HTRA3: variants seen among roughly 807,000 people sequenced by gnomAD.
The protein encoded by HTRA3 is HtrA serine peptidase 3, also known as serine protease HTRA3.
A neutral mutation model predicts 43.2 loss-of-function variants in HTRA3; 41 were observed. That is an observed-to-expected ratio of 0.95 (90% CI 0.74 to 1.23). The LOEUF (loss-of-function observed/expected upper bound fraction) is 1.23, where lower values mean the gene tolerates loss of function less well. HTRA3 is among the 50% of genes most tolerant of loss of function. The pLI is 0.00. For synonymous variants in HTRA3, 295 were observed against 287.9 expected, an observed-to-expected ratio of 1.02 and a Z score of -0.25; for missense variants, 628 against 647.1, an observed-to-expected ratio of 0.97 and a Z score of 0.32.
intron 1 of HTRA3, among the ~76,000 whole-genome samples, chr4:8,272,968 C>T (rs1054140113): frequency 6.6e-6 from 1 of 152,212 alleles, no homozygotes; most frequent in African/African-American, 2.4e-5. Flanking sequence ...CAGGGCGACA[C>T]GCAGAGTCCA....
At chr4:8,282,903 T>G (rs1338515820) in intron 2 of HTRA3, among the ~76,000 whole-genome samples, 1 of 151,584 alleles carries the variant, frequency 6.6e-6, no homozygotes, top group East Asian at 1.9e-4. Flanking sequence ...AGACAGCAGG[T>G]GTGTGTGCAA....
At chr4:8,280,143 G>T (rs775969576) in intron 1 of HTRA3, among the ~76,000 whole-genome samples, 7 of 152,126 alleles carry the variant, frequency 4.6e-5, no homozygotes, top group Non-Finnish European at 1.0e-4. Flanking sequence ...GCAGAAACTG[G>T]AGTTGGTGGC....
intron 6 of HTRA3, among the ~76,000 whole-genome samples, chr4:8,301,495 A>G (rs1713655554): frequency 6.6e-6 from 1 of 151,216 alleles, no homozygotes; most frequent in African/African-American, 2.4e-5. Context: ...AGCTTTATTG[A>G]TTCACACTCT....
At chr4:8,292,481 C>A in intron 5 of HTRA3, 128 bp downstream of exon 5, 2 of 802,960 alleles carry the variant, frequency 2.5e-6, no homozygotes, top group Non-Finnish European at 4.0e-6. Flanking sequence ...GTCGGGAGTG[C>A]AGCTGGGCCG....
chr4:8,271,670 G>C (rs1712282228), intron 1 of HTRA3, among the ~76,000 whole-genome samples: 1 of 152,140 alleles, frequency 6.6e-6, no homozygotes. Flanking sequence ...GTCTGGTGAG[G>C]GCTGCACTCT....
chr4:8,301,782 G>A (rs1713664377), intron 6 of HTRA3, among the ~76,000 whole-genome samples: 1 of 152,108 alleles, frequency 6.6e-6, no homozygotes, highest in Non-Finnish European at 1.5e-5. Context: ...ATTTGAAGAT[G>A]AGTAATTTAG....
At chr4:8,274,741 G>A (rs112691305) in intron 1 of HTRA3, among the ~76,000 whole-genome samples, 9 of 152,216 alleles carry the variant, frequency 5.9e-5, no homozygotes, top group Non-Finnish European at 7.3e-5. Flanking sequence ...CCCTTTGCGC[G>A]TAACCAGAGC....
At position 8,306,483 on chromosome 4, in the gene HTRA3, C is replaced by A. The variant is rs548243199; in HGVS notation, c.*347C>A. 8 of 206,508 alleles carry A rather than the reference C, an allele frequency of 3.9e-5. No individual in the cohort carries two copies. The South Asian group carries it at 7.2e-4, about 19-fold the overall frequency. 12.8% of individuals were successfully genotyped at this position (206,508 alleles called of 1,614,324 possible). Reference sequence around the variant, plus strand: ...CCCTGTGAACACCCATCTGCAGTATCCCCTGCTCCTGCCCCTCCTACTGCA... The same window carrying A: ...CCCTGTGAACACCCATCTGCAGTATACCCTGCTCCTGCCCCTCCTACTGCA... On this transcript the variant is annotated 3_prime_UTR_variant, in exon 9 of 9. Transcript: ENST00000307358. This position sits in a 1 kb window ranked among gnomAD's most constrained non-coding sequence, Gnocchi z 8.9.
At position 8,279,111 on chromosome 4, in the gene HTRA3, C is replaced by G. The variant is rs1712642511; in HGVS notation, c.386-3326C>G. On this transcript the variant is annotated intron_variant, in intron 1 of 8. Transcript: ENST00000307358. This position sits in a 1 kb window ranked among gnomAD's most constrained non-coding sequence, Gnocchi z 7.4. ...CCAGATGGTCTCTGTCCCAAAGGAG[C>G]CTGGGGTGTGGGGTGGGCACGTGCG... Among the ~76,000 whole-genome samples the G allele has an allele frequency of 6.6e-6, 1 of 152,112 alleles. No homozygotes were observed.
intron 4 of HTRA3, among the ~76,000 whole-genome samples, chr4:8,291,950 A>G (rs1043787764): frequency 2.1e-4 from 32 of 152,316 alleles, no homozygotes; most frequent in Admixed American, 9.2e-4. Context: ...GATCACGTCC[A>G]TCCAGCTTTG....
Position 8,306,373 on chromosome 4 carries a change from C to A in HTRA3, c.*237C>A. ...CCCAACATCCCCTTGTACAGATGAT[C>A]CTGAAAGTCACTTCCAAGTTCTCCG... On this transcript the variant is annotated 3_prime_UTR_variant, in exon 9 of 9. Coordinates refer to ENST00000307358, the MANE Select transcript of HTRA3 (RefSeq NM_053044.5). The surrounding 1 kb of genome is among the most constrained non-coding windows in gnomAD (Gnocchi z 8.9). The A allele has an allele frequency of 2.3e-6, 1 of 443,154 alleles. No individual in the cohort carries two copies. Among genetic ancestry groups the A allele is most frequent in the East Asian group, 3.6e-5 (1 of 27,486 alleles). The allele number at this position is 443,154 out of a possible 1,614,324, so 27.5% of individuals were successfully genotyped here. A position where few individuals can be genotyped will look rare whatever the true frequency, so the allele number is the denominator to read the frequency against.
intron 6 of HTRA3, among the ~76,000 whole-genome samples, chr4:8,294,507 A>G (rs1713366836): frequency 6.7e-6 from 1 of 148,904 alleles, no homozygotes; most frequent in South Asian, 2.1e-4. Context: ...AGCTTCCTGG[A>G]CTCCCTGGGC....
intron 5 of HTRA3, among the ~76,000 whole-genome samples, chr4:8,292,587 G>A (rs1713292197): frequency 6.6e-6 from 1 of 152,246 alleles, no homozygotes; most frequent in African/African-American, 2.4e-5. Context: ...CAGCAGCTCA[G>A]TCCAGGGCCA....
rs1337423203 is a variant in HTRA3 at position 8,270,020 on chromosome 4, C to G, written c.52C>G (p.Arg18Gly). 7 of 1,324,472 alleles carry G rather than the reference C, an allele frequency of 5.3e-6. No individual in the cohort carries two copies. Among genetic ancestry groups the G allele is most frequent in the Non-Finnish European group, 5.8e-6 (6 of 1,043,258 alleles). The allele number at this position is 1,324,472 out of a possible 1,614,324, so 82.0% of individuals were successfully genotyped here. ...LAALAALALA[R>G]EPPAAPCPAR... ...CGCGTTGGCCGCGCTGGCGCTGGCC[C>G]GGGAGCCCCCTGCGGCGCCGTGTCC... Residue 18 changes from arginine (R) to glycine (G), a missense_variant, in exon 1 of 9, where the codon CGG becomes GGG. Transcript: ENST00000307358.
At chr4:8,284,453 G>C (rs1014836563) in intron 2 of HTRA3, among the ~76,000 whole-genome samples, 2 of 152,198 alleles carry the variant, frequency 1.3e-5, no homozygotes, top group South Asian at 4.1e-4. Flanking sequence ...GAGTGGGTGG[G>C]TGAGACCCAG....
At chr4:8,282,630 TG>T in intron 2 of HTRA3, 94 bp downstream of exon 2, 1 of 966,688 alleles carries the variant, frequency 1.0e-6, no homozygotes, top group Non-Finnish European at 1.6e-6. Context: ...TTCTGCAGCC[TG>T]GGCCACAGAA....
rs371815768 is a variant in HTRA3, at chr4:8,286,593, C to T, written c.518C>T (p.Ser173Phe). 4.3e-6 allele frequency: 7 copies of T among 1,613,986 alleles called. No homozygotes were observed. The African/African-American group carries it at 6.7e-5, about 15-fold the overall frequency. Reference sequence around the variant, plus strand: ...CTGTTTGGCCGCAACGTGCCCCTGTCCAGCGGTTCTGGCTTCATCATGTCA... The same window carrying T: ...CTGTTTGGCCGCAACGTGCCCCTGTTCAGCGGTTCTGGCTTCATCATGTCA... ...HPLFGRNVPLSSGSGFIMSEA... is the reference protein window; with the variant it reads ...HPLFGRNVPLFSGSGFIMSEA... The change falls in exon 3 of 9, where the codon TCC becomes TTC. Residue 173 changes from serine to phenylalanine, a missense_variant. Transcript: ENST00000307358. This position sits in a 1 kb window ranked among gnomAD's most constrained non-coding sequence, Gnocchi z 4.9.
At position 8,288,899 on chromosome 4, in the gene HTRA3, G is replaced by GTCCTTCCTTCCTTCCTTCCT. The variant is rs1199752377; in HGVS notation, c.708+2133_708+2152dup. 6.5e-3 allele frequency among the ~76,000 whole-genome samples: 656 copies of GTCCTTCCTTCCTTCCTTCCT among 101,480 alleles called. 7 individuals carry two copies. Among genetic ancestry groups the GTCCTTCCTTCCTTCCTTCCT allele is most frequent in the Middle Eastern group, 0.023 (4 of 176 alleles). The allele number at this position is 101,480 out of a possible 152,430, so 66.6% of individuals were successfully genotyped here. ...AAATTTTCCTTCCTTCCTTCCGTCC[G>GTCCTTCCTTCCTTCCTTCCT]TCCTTCCTTCCTTCCTTCCTTCCTT... is the stretch of plus-strand genomic sequence containing the variant. On this transcript the variant is annotated intron_variant, in intron 3 of 8. Transcript: ENST00000307358.
chr4:8,302,999 C>G (rs979943777), intron 7 of HTRA3, among the ~76,000 whole-genome samples: 1 of 152,238 alleles, frequency 6.6e-6, no homozygotes, highest in Non-Finnish European at 1.5e-5. Context: ...ACATCTCTCT[C>G]TCGTTTCTCT....
Sources: gnomAD v4.1 joint callset for allele counts (sites outside exome capture counted in the v4.1 genomes callset) on GRCh38, gnomAD v4.1.1 for gene constraint, Gnocchi (gnomAD v3.1) non-coding constraint, MANE v1.5 for transcripts, NCBI Gene and HGNC (gene_info 2026-07-23, HGNC 2026-07-21) for gene names.